The following ATXN2 variants were observed in gnomAD, a reference collection of about 807,000 sequenced individuals.
ATXN2 encodes the protein ataxin 2, also known as ataxin-2.
Under a neutral mutation model 138.6 loss-of-function variants are expected in ATXN2, and 37 were observed. That is an observed-to-expected ratio of 0.27 (90% CI 0.21 to 0.35). The LOEUF (loss-of-function observed/expected upper bound fraction) is 0.35, where lower values mean the gene tolerates loss of function less well. ATXN2 is among the 10% of genes least tolerant of loss of function. The probability of loss-of-function intolerance (pLI) is 1.00; values close to 1 mark genes in which losing one functional copy is unlikely to be tolerated. For synonymous variants in ATXN2, 549 were observed against 543.7 expected, an observed-to-expected ratio of 1.01 and a Z score of -0.13; for missense variants, 1,216 against 1,480.3, an observed-to-expected ratio of 0.82 and a Z score of 2.93.
At chr12:111,471,723 A>C (rs924301802) in intron 18 of ATXN2, 1 of 151,676 alleles carries the variant, frequency 6.6e-6, no homozygotes, top group South Asian at 2.1e-4. Context: ...TTTATATTTT[A>C]TCTTGGATGC....
At chr12:111,471,831 A>G in intron 18 of ATXN2, 1 of 152,046 alleles carries the variant, frequency 6.6e-6, no homozygotes. Flanking sequence ...ATGCTAACTG[A>G]GCTTAAACTA....
At position 111,552,298 on chromosome 12, in the gene ATXN2, A is replaced by T; in HGVS notation, c.553T>A (p.Ser185Thr). ...AACCCACCTCTTTTTGCATAACTGG[A>T]GTCCATATCTTTAAACTGTACCACA... The part of the protein sequence containing the change: ...FVVVQFKDMD[S>T]SYAKRDAFTD... The change falls in exon 5 of 25, where the codon TCC becomes ACC. Residue 185 changes from serine (S) to threonine (T), a missense_variant. Physicochemically the swap from Ser to Thr is moderately conservative, Grantham distance 58. Coordinates refer to ENST00000673436, the MANE Select transcript of ATXN2 (RefSeq NM_001372574.1). The surrounding 1 kb of genome is among the most constrained non-coding windows in gnomAD (Gnocchi z 4.1). The T allele has an allele frequency of 6.2e-7, 1 of 1,600,830 alleles. No homozygotes were observed. Among genetic ancestry groups the T allele is most frequent in the Non-Finnish European group, 8.5e-7 (1 of 1,175,926 alleles).
chr12:111,467,022 T>TA (rs1486830555), intron 20 of ATXN2, among the ~76,000 whole-genome samples: 1 of 152,178 alleles, frequency 6.6e-6, no homozygotes, highest in African/African-American at 2.4e-5. Context: ...TTATATTTGA[T>TA]ATAATAAGGC....
chr12:111,590,474 C>A (rs1252472471), intron 1 of ATXN2, among the ~76,000 whole-genome samples: 3 of 151,776 alleles, frequency 2.0e-5, no homozygotes, highest in Non-Finnish European at 2.9e-5. Flanking sequence ...ATCACAAGGT[C>A]AGGAGATCGA....
intron 1 of ATXN2, among the ~76,000 whole-genome samples, chr12:111,597,376 AG>A (rs1884989298): frequency 6.6e-6 from 1 of 152,238 alleles, no homozygotes; most frequent in Admixed American, 6.5e-5. Flanking sequence ...TGCCTATTTA[AG>A]GAGGACGCCG....
At chr12:111,584,003 C>T (rs927172147) in intron 1 of ATXN2, among the ~76,000 whole-genome samples, 3 of 151,904 alleles carry the variant, frequency 2.0e-5, no homozygotes, top group Non-Finnish European at 4.4e-5. Flanking sequence ...GATATAACCT[C>T]AAAACTCTTT....
intron 16 of ATXN2, among the ~76,000 whole-genome samples, chr12:111,486,317 C>A (rs1877639985): frequency 6.6e-6 from 1 of 152,202 alleles, no homozygotes; most frequent in Admixed American, 6.5e-5. Flanking sequence ...TACTTTACAT[C>A]ATCTCTAGAT....
At chr12:111,561,765 C>T (rs968076876) in intron 1 of ATXN2, among the ~76,000 whole-genome samples, 3 of 151,860 alleles carry the variant, frequency 2.0e-5, no homozygotes, top group Non-Finnish European at 2.9e-5. Context: ...ACTCAGGAGG[C>T]GGAGTTCATG....
intron 1 of ATXN2, among the ~76,000 whole-genome samples, chr12:111,556,258 A>C (rs1193074511): frequency 9.2e-5 from 14 of 152,198 alleles, no homozygotes; most frequent in Non-Finnish European, 2.1e-4. Context: ...ATGCACCTCT[A>C]GTCCTAGCTA....
intron 5 of ATXN2, among the ~76,000 whole-genome samples, chr12:111,538,125 T>C (rs1300185587): frequency 1.3e-5 from 2 of 151,576 alleles, no homozygotes; most frequent in East Asian, 1.9e-4. Flanking sequence ...AACCTAATTT[T>C]CTCCCTATCT....
intron 20 of ATXN2, chr12:111,468,744 AGGCTAGAGTGTAGTG>A (rs1876209594): frequency 1.6e-5 from 2 of 127,928 alleles, no homozygotes; most frequent in Admixed American, 1.9e-4. Flanking sequence ...TCTGTCGCTC[AGGCTAGAGTGTAGTG>A]GCGCGATCTC....
intron 14 of ATXN2, among the ~76,000 whole-genome samples, chr12:111,494,140 G>A (rs1268927984): frequency 6.6e-6 from 1 of 151,976 alleles, no homozygotes; most frequent in Non-Finnish European, 1.5e-5. Flanking sequence ...ATATTGGCTA[G>A]GCTGGTCTCG....
intron 1 of ATXN2, among the ~76,000 whole-genome samples, chr12:111,571,500 G>A (rs886838847): frequency 2.6e-5 from 4 of 152,034 alleles, no homozygotes; most frequent in African/African-American, 7.3e-5. Context: ...TGAGGATCTC[G>A]AATGGCAGAA....
At chr12:111,513,623 A>C in intron 10 of ATXN2, 84 bp from the exon 11 acceptor site, 1 of 1,116,438 alleles carries the variant, frequency 9.0e-7, no homozygotes, top group Non-Finnish European at 1.2e-6. Context: ...ATTCACACAC[A>C]CATGCACACA....
intron 1 of ATXN2, among the ~76,000 whole-genome samples, chr12:111,586,273 G>C (rs1884326296): frequency 6.7e-6 from 1 of 150,344 alleles, no homozygotes; most frequent in Admixed American, 6.6e-5. Context: ...CCAGGCTGGG[G>C]CACAGTGGCA....
chr12:111,593,311 T>A (rs563876362), intron 1 of ATXN2, among the ~76,000 whole-genome samples: 84 of 152,058 alleles, frequency 5.5e-4, no homozygotes, highest in Admixed American at 7.9e-4. Context: ...GCCAGACTAG[T>A]CTCAAACTCC....
intron 23 of ATXN2, chr12:111,454,866 C>T (rs546036916): frequency 3.5e-6 from 2 of 568,628 alleles, no homozygotes; most frequent in African/African-American, 1.9e-5. Context: ...TGGTAGACAC[C>T]TACAGGACCC....
chr12:111,486,084 G>A (rs1877619452), intron 16 of ATXN2, among the ~76,000 whole-genome samples: 1 of 152,144 alleles, frequency 6.6e-6, no homozygotes, highest in Admixed American at 6.5e-5. Context: ...ATTAAAAACA[G>A]TGGCAGCTAT....
chr12:111,598,678 C>T lies in ATXN2; in HGVS notation c.251+106G>A, dbSNP rs1256511489. On this transcript the variant is annotated intron_variant, in intron 1 of 24. Coordinates refer to ENST00000673436, the MANE Select transcript of ATXN2 (RefSeq NM_001372574.1). This position sits in a 1 kb window ranked among gnomAD's most constrained non-coding sequence, Gnocchi z 4.5. ...TCTCCCCCGCGCTGCCGGCCCCCAGCCCACCCCGGGTAGCCCGGCGGGTCA... is the reference window on the plus strand; with the variant it reads ...TCTCCCCCGCGCTGCCGGCCCCCAGTCCACCCCGGGTAGCCCGGCGGGTCA... 3.2e-5 allele frequency: 28 copies of T among 887,372 alleles called. No homozygotes were observed. The highest frequency in any genetic ancestry group is 5.8e-5 in the Admixed American group (1 of 17,212). The allele number at this position is 887,372 out of a possible 1,614,324, so 55.0% of individuals were successfully genotyped here.
Sources: allele counts gnomAD v4.1 joint callset (sites outside exome capture counted in the v4.1 genomes callset), GRCh38; gene constraint gnomAD v4.1.1; non-coding constraint Gnocchi (gnomAD v3.1); transcripts MANE v1.5; gene names NCBI Gene and HGNC (gene_info 2026-07-23, HGNC 2026-07-21).